ROR2: variants seen among roughly 807,000 people sequenced by gnomAD.
ROR2 encodes tyrosine-protein kinase transmembrane receptor ROR2.
A neutral mutation model predicts 74.9 loss-of-function variants in ROR2; 33 were observed. The ratio of observed to expected loss-of-function variants is 0.44; its 90% CI spans 0.33 to 0.59. The LOEUF is 0.59. Ranked by LOEUF, ROR2 falls within the 20% of genes least tolerant of loss-of-function variation. ROR2 has a pLI of 0.02. For missense variants in ROR2, 1,216 were observed against 1,313.8 expected (o/e 0.93, Z 1.15); for synonymous variants, 586 against 558.7 (o/e 1.05, Z -0.69).
intron 2 of ROR2, among the ~76,000 whole-genome samples, chr9:91,764,555 CACTT>C (rs1040804274): frequency 1.2e-4 from 15 of 127,984 alleles, no homozygotes; most frequent in Admixed American, 1.1e-3. Flanking sequence ...GAGCTATAAT[CACTT>C]ACACACACAC....
chr9:91,747,608 T>C (rs1273561787), intron 4 of ROR2, among the ~76,000 whole-genome samples: 1 of 152,240 alleles, frequency 6.6e-6, no homozygotes. Flanking sequence ...TCTATAGAAG[T>C]GGCCCAAAAG....
intron 1 of ROR2, among the ~76,000 whole-genome samples, chr9:91,798,189 C>A (rs925333156): frequency 1.5e-5 from 1 of 65,072 alleles, no homozygotes; most frequent in East Asian, 5.0e-4. Flanking sequence ...GGAGTTGACA[C>A]CATGGGGTCT....
At position 91,724,753 on chromosome 9, in the gene ROR2, G is replaced by C. The variant is rs747270256; in HGVS notation, c.1741C>G (p.Arg581Gly). ...HSDVGSTDDD[R>G]TVKSALEPPD... ...GGCTCCAGGGCGGACTTCACCGTGC[G>C]GTCATCATCGGTGCTGCCCACGTCC... The change falls in exon 9 of 9, where the codon CGC becomes GGC. Residue 581 changes from arginine to glycine, a missense_variant. By Grantham distance (125) the Arg-to-Gly change is moderately radical. Coordinates refer to ENST00000375708, the MANE Select transcript of ROR2 (RefSeq NM_004560.4). 2 of 1,613,986 alleles carry C rather than the reference G, an allele frequency of 1.2e-6. No homozygotes were observed. The highest frequency in any genetic ancestry group is 1.1e-5 in the South Asian group (1 of 91,070).
chr9:91,880,292 T>C (rs986268935), intron 1 of ROR2, among the ~76,000 whole-genome samples: 4 of 152,206 alleles, frequency 2.6e-5, no homozygotes, highest in African/African-American at 9.6e-5. Context: ...CTCAGACTTC[T>C]GGCCTCCAGA....
intron 1 of ROR2, among the ~76,000 whole-genome samples, chr9:91,890,969 A>G (rs995035496): frequency 6.6e-6 from 1 of 152,154 alleles, no homozygotes; most frequent in Admixed American, 6.5e-5. Flanking sequence ...ATGCTGAACC[A>G]TCCCAGAATT....
At chr9:91,760,742 C>T (rs1308748285) in intron 2 of ROR2, among the ~76,000 whole-genome samples, 1 of 152,072 alleles carries the variant, frequency 6.6e-6, no homozygotes, top group African/African-American at 2.4e-5. Context: ...CAGCAAGTTC[C>T]ATTTTAAAAG....
intron 4 of ROR2, among the ~76,000 whole-genome samples, chr9:91,741,820 A>G (rs1180130731): frequency 6.6e-6 from 1 of 152,216 alleles, no homozygotes; most frequent in Non-Finnish European, 1.5e-5. Flanking sequence ...GTGCTCTGAC[A>G]GTAAGCTAAT....
intron 1 of ROR2, among the ~76,000 whole-genome samples, chr9:91,916,088 A>G (rs1403517916): frequency 6.6e-6 from 1 of 152,206 alleles, no homozygotes; most frequent in African/African-American, 2.4e-5. Flanking sequence ...GTGAAGTCAC[A>G]TCTTGGCTGT....
intron 7 of ROR2, among the ~76,000 whole-genome samples, chr9:91,728,941 C>T (rs186639542): frequency 2.0e-5 from 3 of 152,346 alleles, no homozygotes; most frequent in Admixed American, 6.5e-5. Flanking sequence ...TTAGCTCTCA[C>T]AAGTGATTCT....
chr9:91,873,553 A>G (rs1436432072), intron 1 of ROR2, among the ~76,000 whole-genome samples: 2 of 152,176 alleles, frequency 1.3e-5, no homozygotes, highest in African/African-American at 4.8e-5. Flanking sequence ...GTGCCACTGC[A>G]CTCCAGCCAA....
chr9:91,950,002 G>C lies in ROR2; in HGVS notation c.-39C>G, dbSNP rs1832131793. On this transcript the variant is annotated 5_prime_UTR_variant, in exon 1 of 9. Coordinates refer to ENST00000375708, the MANE Select transcript of ROR2 (RefSeq NM_004560.4). The stretch of plus-strand genomic sequence containing the variant: ...GGGGCCGGGAAGCCCTCAGAGCTTC[G>C]GGCCGGGGCGCGGGGTCGGGCGCCA... The C allele has an allele frequency of 3.5e-6, 4 of 1,150,734 alleles. No individual in the cohort carries two copies. Among genetic ancestry groups the C allele is most frequent in the Non-Finnish European group, 4.6e-6 (4 of 876,460 alleles). 71.3% of individuals were successfully genotyped at this position (1,150,734 alleles called of 1,614,324 possible).
chr9:91,906,336 T>A (rs1427989022), intron 1 of ROR2, among the ~76,000 whole-genome samples: 1 of 152,090 alleles, frequency 6.6e-6, no homozygotes, highest in Non-Finnish European at 1.5e-5. Context: ...CAGAACAAGA[T>A]CTCTGCATGG....
chr9:91,873,562 A>T lies in ROR2; in HGVS notation c.97+76305T>A, dbSNP rs568723919. ...AAGATCGTGCCACTGCACTCCAGCC[A>T]AGGTGACAAAGCAAGAATCCATCTC... On this transcript the variant is annotated intron_variant, in intron 1 of 8. Transcript: ENST00000375708. 5.3e-5 allele frequency among the ~76,000 whole-genome samples: 8 copies of T among 152,294 alleles called. 1 individual carries two copies. In the South Asian group the frequency reaches 1.7e-3, roughly 32 times the overall value.
rs577599087 is a variant in ROR2, at chr9:91,830,290, C to A, written c.98-54472G>T. ...GACCAGCCTGGGCAACACAGTGACA[C>A]CCTGTCTCTACAAACGATAAAAATT... On this transcript the variant is annotated intron_variant, in intron 1 of 8. Transcript: ENST00000375708. Among the ~76,000 whole-genome samples, 30 of 152,264 alleles carry A rather than the reference C, an allele frequency of 2.0e-4. No homozygotes were observed. The South Asian group carries it at 6.2e-3, about 32-fold the overall frequency.
intron 1 of ROR2, among the ~76,000 whole-genome samples, chr9:91,872,211 C>G (rs1161833535): frequency 6.6e-6 from 1 of 152,164 alleles, no homozygotes; most frequent in Non-Finnish European, 1.5e-5. Flanking sequence ...AAAAGAGACT[C>G]CTCACTCTTG....
chr9:91,923,386 A>G (rs920834405), intron 1 of ROR2, among the ~76,000 whole-genome samples: 1 of 152,218 alleles, frequency 6.6e-6, no homozygotes, highest in South Asian at 2.1e-4. Context: ...GTTAACTTCA[A>G]TTAAATAGCC....
At chr9:91,847,466 T>A (rs1303241651) in intron 1 of ROR2, among the ~76,000 whole-genome samples, 1 of 152,104 alleles carries the variant, frequency 6.6e-6, no homozygotes, top group Non-Finnish European at 1.5e-5. Flanking sequence ...ACCACACATA[T>A]ACTCCCCCAG....
rs899004794 is a variant in ROR2 at position 91,795,588 on chromosome 9, G to C, written c.98-19770C>G. Among the ~76,000 whole-genome samples the C allele has an allele frequency of 2.0e-5, 3 of 152,132 alleles. No individual in the cohort carries two copies. In the East Asian group the frequency reaches 5.8e-4, roughly 29 times the overall value. On this transcript the variant is annotated intron_variant, in intron 1 of 8. Coordinates refer to ENST00000375708, the MANE Select transcript of ROR2 (RefSeq NM_004560.4). Reference sequence around the variant, plus strand: ...TTACTTCCCACGCCCCTATAAAAAAGAACATTTTTCAATACATTGTTTTCC... The same window carrying C: ...TTACTTCCCACGCCCCTATAAAAAACAACATTTTTCAATACATTGTTTTCC...
chr9:91,867,783 C>T (rs1372213869), intron 1 of ROR2, among the ~76,000 whole-genome samples: 2 of 131,158 alleles, frequency 1.5e-5, no homozygotes, highest in African/African-American at 5.9e-5. Context: ...GTGTGGCACA[C>T]ATGTGGGACA....
Sources: allele counts gnomAD v4.1 joint callset (sites outside exome capture counted in the v4.1 genomes callset), GRCh38; gene constraint gnomAD v4.1.1; transcripts MANE v1.5; gene names NCBI Gene and HGNC (gene_info 2026-07-23, HGNC 2026-07-21).